Variants in USP32 observed in about 807,000 individuals in gnomAD.
The protein encoded by USP32 is ubiquitin carboxyl-terminal hydrolase 32.
Under a neutral mutation model 204.8 loss-of-function variants are expected in USP32, and 59 were observed. That is an observed-to-expected ratio of 0.29 (90% CI 0.23 to 0.36). The LOEUF (loss-of-function observed/expected upper bound fraction) is 0.36. USP32 is among the 10% of genes least tolerant of loss of function. The pLI, the probability that USP32 is intolerant of heterozygous loss-of-function variation, is 1.00. For missense variants in USP32, 1,160 were observed against 1,946.4 expected, an observed-to-expected ratio of 0.60 and a Z score of 7.60; for synonymous variants, 517 against 678.4, an observed-to-expected ratio of 0.76 and a Z score of 3.70.
Position 60,226,232 on chromosome 17 carries a change from C to T in USP32, c.1240-1G>A. On this transcript the variant is annotated splice_acceptor_variant, in intron 12 of 33. Coordinates refer to ENST00000300896, the MANE Select transcript of USP32 (RefSeq NM_032582.4). LOFTEE classifies it high-confidence loss of function. ...GCTCAATTACCACAGGGTTGGCATCCTAAAATCAGGAAATCAGAGAATAAG... is the reference window on the plus strand; with the variant it reads ...GCTCAATTACCACAGGGTTGGCATCTTAAAATCAGGAAATCAGAGAATAAG... 6.5e-7 allele frequency: 1 copy of T among 1,529,042 alleles called. No individual in the cohort carries two copies. Among genetic ancestry groups the T allele is most frequent in the East Asian group, 2.5e-5 (1 of 40,624 alleles). 94.7% of individuals were successfully genotyped at this position (1,529,042 alleles called of 1,614,324 possible).
intron 16 of USP32, among the ~76,000 whole-genome samples, chr17:60,215,285 A>G (rs2085072976): frequency 6.6e-6 from 1 of 152,148 alleles, no homozygotes; most frequent in Non-Finnish European, 1.5e-5. Flanking sequence ...CAGGTGTTTT[A>G]AAGTGAGTCC....
rs568957448 is a variant in USP32 at position 60,249,691 on chromosome 17, A to T, written c.1136+2690T>A. On this transcript the variant is annotated intron_variant, in intron 11 of 33. Transcript: ENST00000300896. ...CACACTTCCATTGTTCTCACCAAGG[A>T]TTAGTAGTTCTTGAATAAATGCTTC... 6.1e-5 allele frequency: 43 copies of T among 699,964 alleles called. No individual in the cohort carries two copies. The Middle Eastern group carries it at 6.9e-4, about 11-fold the overall frequency. The allele number at this position is 699,964 out of a possible 1,614,324, so 43.4% of individuals were successfully genotyped here.
intron 11 of USP32, chr17:60,249,879 T>C: frequency 2.0e-6 from 1 of 497,880 alleles, no homozygotes; most frequent in Non-Finnish European, 3.6e-6. Flanking sequence ...GTACTGACTG[T>C]AAGTTAGAGA....
chr17:60,198,466 T>G (rs747350058), intron 26 of USP32, 22 bp from the exon 27 acceptor site: 10 of 1,610,836 alleles, frequency 6.2e-6, no homozygotes, highest in Middle Eastern at 1.6e-4. Context: ...AACAAGAGAA[T>G]AGAGAGTTCA....
chr17:60,282,807 A>C (rs559684805), intron 5 of USP32, among the ~76,000 whole-genome samples: 11 of 152,322 alleles, frequency 7.2e-5, no homozygotes, highest in Middle Eastern at 3.4e-3. Flanking sequence ...GGAGGCAATC[A>C]AATGTTTAAA....
chr17:60,258,577 T>C (rs1038528827), intron 9 of USP32, among the ~76,000 whole-genome samples: 4 of 152,250 alleles, frequency 2.6e-5, no homozygotes, highest in Admixed American at 6.5e-5. Context: ...ATGCCTTGAA[T>C]TGTAGGGTGT....
intron 1 of USP32, among the ~76,000 whole-genome samples, chr17:60,373,966 C>T (rs1367723055): frequency 3.3e-5 from 5 of 152,072 alleles, no homozygotes; most frequent in African/African-American, 1.2e-4. Flanking sequence ...GGGCGTATCA[C>T]CTGAGGTCAG....
At chr17:60,195,488 C>G (rs1364809027) in intron 27 of USP32, among the ~76,000 whole-genome samples, 1 of 152,178 alleles carries the variant, frequency 6.6e-6, no homozygotes, top group Non-Finnish European at 1.5e-5. Context: ...CAGGCACGTA[C>G]CACCATGCCC....
rs2084043508 is a variant in USP32 at position 60,179,447 on chromosome 17, C to T, written c.4642-19G>A. 1 of 1,611,046 alleles carries T rather than the reference C, an allele frequency of 6.2e-7. No individual in the cohort carries two copies. Reference sequence around the variant, plus strand: ...GAAGTTCCTGAAAGGGCAAGAAAAACCTTTAACAAAAAGCCATCACTACTA... The same window carrying T: ...GAAGTTCCTGAAAGGGCAAGAAAAATCTTTAACAAAAAGCCATCACTACTA... On this transcript the variant is annotated intron_variant, in intron 33 of 33. Transcript: ENST00000300896.
chr17:60,215,295 C>T (rs1405724070), intron 16 of USP32, among the ~76,000 whole-genome samples: 1 of 151,972 alleles, frequency 6.6e-6, no homozygotes, highest in Non-Finnish European at 1.5e-5. Flanking sequence ...AAAGTGAGTC[C>T]AAAGCCTCAA....
intron 1 of USP32, among the ~76,000 whole-genome samples, chr17:60,353,154 T>C (rs1038452402): frequency 6.6e-6 from 1 of 152,142 alleles, no homozygotes; most frequent in Non-Finnish European, 1.5e-5. Context: ...GATAGGACGC[T>C]GAACTTACAG....
intron 27 of USP32, 82 bp downstream of exon 27, chr17:60,198,178 T>G (rs1598048814): frequency 1.3e-6 from 2 of 1,523,848 alleles, no homozygotes. Flanking sequence ...ATAGGCTGGG[T>G]CCTATCAGTC....
At chr17:60,377,731 C>T (rs2146105148) in intron 1 of USP32, among the ~76,000 whole-genome samples, 1 of 152,300 alleles carries the variant, frequency 6.6e-6, no homozygotes, top group East Asian at 1.9e-4. Flanking sequence ...AATTTATCCA[C>T]AGGCTGTGTG....
intron 2 of USP32, among the ~76,000 whole-genome samples, chr17:60,304,169 C>A (rs2087662365): frequency 6.6e-6 from 1 of 151,052 alleles, no homozygotes; most frequent in South Asian, 2.1e-4. Context: ...TTTAAGGCAG[C>A]CAGAAGAAAA....
chr17:60,244,384 GTTTATA>G (rs1296509511), intron 11 of USP32, among the ~76,000 whole-genome samples: 2 of 151,968 alleles, frequency 1.3e-5, no homozygotes, highest in African/African-American at 4.8e-5. Flanking sequence ...TGTTCAATCT[GTTTATA>G]TTTAAGGTAA....
chr17:60,228,286 G>A (rs980495950), intron 12 of USP32, among the ~76,000 whole-genome samples: 2 of 152,106 alleles, frequency 1.3e-5, no homozygotes, highest in East Asian at 3.9e-4. Context: ...AGTGTGCTGG[G>A]ATTACAGGCG....
upstream of USP32, chr17:60,392,614 C>T (rs1455325864): frequency 2.2e-6 from 1 of 449,668 alleles, no homozygotes; most frequent in Non-Finnish European, 4.5e-6. Flanking sequence ...CTGAGGGATG[C>T]GGCATATGGC....
At chr17:60,331,742 A>G (rs1374512849) in intron 2 of USP32, among the ~76,000 whole-genome samples, 1 of 139,480 alleles carries the variant, frequency 7.2e-6, no homozygotes, top group Admixed American at 7.4e-5. Context: ...AAACAAAAAA[A>G]TACAAGTTAG....
chr17:60,367,292 T>C (rs1419835094), intron 1 of USP32, among the ~76,000 whole-genome samples: 1 of 152,174 alleles, frequency 6.6e-6, no homozygotes, highest in Admixed American at 6.5e-5. Context: ...GAGGGTTGCT[T>C]GAACTCAGGA....
Sources: allele counts gnomAD v4.1 joint callset (sites outside exome capture counted in the v4.1 genomes callset), GRCh38; gene constraint gnomAD v4.1.1; transcripts MANE v1.5; gene names NCBI Gene and HGNC (gene_info 2026-07-23, HGNC 2026-07-21).